Variants in ESR1 observed in about 807,000 individuals in gnomAD.
ESR1 encodes the protein estrogen receptor 1.
A neutral mutation model predicts 52.7 loss-of-function variants in ESR1; 12 were observed. The ratio of observed to expected loss-of-function variants is 0.23; its 90% CI spans 0.15 to 0.37. ESR1 has a LOEUF of 0.37. Ranked by LOEUF, ESR1 falls within the 10% of genes least tolerant of loss-of-function variation. The pLI, the probability that ESR1 is intolerant of heterozygous loss-of-function variation, is 1.00. For synonymous variants in ESR1, 305 were observed against 316.8 expected (o/e 0.96, Z 0.39); for missense variants, 584 against 779.7 (o/e 0.75, Z 2.99).
chr6:151,957,752 T>C (rs56668077), intron 4 of ESR1, among the ~76,000 whole-genome samples: 1 of 152,176 alleles, frequency 6.6e-6, no homozygotes, highest in Non-Finnish European at 1.5e-5. Flanking sequence ...CTATTTCAGA[T>C]GTGACTGTTT....
intron 2 of ESR1, among the ~76,000 whole-genome samples, chr6:151,844,176 A>G (rs1039347655): frequency 6.6e-6 from 1 of 151,690 alleles, no homozygotes; most frequent in African/African-American, 2.4e-5. Context: ...AAATATATAT[A>G]TGCACACAGG....
intron 4 of ESR1, among the ~76,000 whole-genome samples, chr6:151,945,963 G>A (rs956318109): frequency 1.3e-5 from 2 of 152,202 alleles, no homozygotes; most frequent in South Asian, 2.1e-4. Flanking sequence ...ATAGGCAAAT[G>A]TAGGTTTTCA....
intron 3 of ESR1, among the ~76,000 whole-genome samples, chr6:151,905,970 A>G (rs997169919): frequency 6.6e-6 from 1 of 152,176 alleles, no homozygotes; most frequent in Non-Finnish European, 1.5e-5. Flanking sequence ...AACGCTAAGC[A>G]TGTGGGAGTT....
intron 6 of ESR1, among the ~76,000 whole-genome samples, chr6:152,078,575 T>C (rs2048936228): frequency 6.6e-6 from 1 of 152,150 alleles, no homozygotes. Flanking sequence ...GCAGGTGATT[T>C]CTGCATTTCC....
intron 2 of ESR1, among the ~76,000 whole-genome samples, chr6:151,770,006 C>T (rs1174113095): frequency 6.3e-5 from 9 of 141,886 alleles, no homozygotes; most frequent in Middle Eastern, 3.7e-3. Flanking sequence ...CCGGCCTGGG[C>T]GACAGAGTGA....
intron 2 of ESR1, among the ~76,000 whole-genome samples, chr6:151,874,244 C>G (rs1364182711): frequency 6.6e-6 from 1 of 152,086 alleles, no homozygotes; most frequent in Non-Finnish European, 1.5e-5. Flanking sequence ...TTAATCTAAC[C>G]TTATGAAAGT....
intron 2 of ESR1, among the ~76,000 whole-genome samples, chr6:151,760,702 T>C (rs1784599904): frequency 6.6e-6 from 1 of 152,184 alleles, no homozygotes; most frequent in Non-Finnish European, 1.5e-5. Flanking sequence ...CAGCACCTGC[T>C]CTTCCCCATC....
chr6:151,843,277 T>C (rs1784586055), intron 2 of ESR1, among the ~76,000 whole-genome samples: 1 of 152,216 alleles, frequency 6.6e-6, no homozygotes, highest in Admixed American at 6.5e-5. Context: ...CATCTCTTTC[T>C]TGTCTCAATG....
chr6:151,954,965 G>C (rs1193246532), intron 4 of ESR1, among the ~76,000 whole-genome samples: 2 of 151,976 alleles, frequency 1.3e-5, no homozygotes, highest in East Asian at 1.9e-4. Context: ...GAAGTGGGAG[G>C]GTCCACTGAA....
At chr6:151,814,273 G>T (rs574820744) in intron 1 of ESR1, 1 of 152,120 alleles carries the variant, frequency 6.6e-6, no homozygotes, top group African/African-American at 2.4e-5. Flanking sequence ...TCACATTGGC[G>T]TACTTCCTCT....
intron 5 of ESR1, among the ~76,000 whole-genome samples, chr6:152,012,782 T>C (rs998019179): frequency 1.3e-5 from 2 of 152,214 alleles, no homozygotes; most frequent in African/African-American, 4.8e-5. Context: ...AACCATTTTG[T>C]TGTTTCTTGC....
At position 151,961,127 on chromosome 6, in the gene ESR1, A is replaced by G. The variant is rs144440180; in HGVS notation, c.1096+16619A>G. Among the ~76,000 whole-genome samples, 320 of 152,204 alleles carry G rather than the reference A, an allele frequency of 2.1e-3. 1 individual carries two copies. Among genetic ancestry groups the G allele is most frequent in the East Asian group, 0.011 (56 of 5,168 alleles). ...ATCTGGAGTTTAGGAGAGAGGCTGG[A>G]CTTGATATGATGTTATGGGTCCTCA... On this transcript the variant is annotated intron_variant, in intron 4 of 7. Coordinates refer to ENST00000206249, the MANE Select transcript of ESR1 (RefSeq NM_000125.4).
Position 151,812,837 on chromosome 6 carries a change from A to G in ESR1, c.452+4473A>G, listed in dbSNP as rs561190556. Among the ~76,000 whole-genome samples the G allele has an allele frequency of 2.6e-5, 4 of 152,324 alleles. No individual in the cohort carries two copies. In the East Asian group the frequency reaches 5.8e-4, roughly 22 times the overall value. The stretch of plus-strand genomic sequence containing the variant: ...AGAGAAAGATGCTCTATTAATCCAA[A>G]AAATACAGCCACTTGAAACCAGCCA... On this transcript the variant is annotated intron_variant, in intron 1 of 7. Coordinates refer to ENST00000206249, the MANE Select transcript of ESR1 (RefSeq NM_000125.4).
intron 3 of ESR1, among the ~76,000 whole-genome samples, chr6:151,903,421 A>C (rs1796974235): frequency 6.6e-6 from 1 of 152,128 alleles, no homozygotes. Context: ...AACAAGTGAC[A>C]GCTTTTGGTT....
intron 4 of ESR1, among the ~76,000 whole-genome samples, chr6:152,011,089 G>A (rs1248063722): frequency 2.0e-5 from 3 of 152,026 alleles, no homozygotes; most frequent in Non-Finnish European, 4.4e-5. Context: ...TAATCATAAT[G>A]TCACCTTTTT....
chr6:152,041,905 T>C (rs2045832723), intron 5 of ESR1, among the ~76,000 whole-genome samples: 1 of 152,220 alleles, frequency 6.6e-6, no homozygotes, highest in Non-Finnish European at 1.5e-5. Flanking sequence ...ATGTGTTAAT[T>C]TGCTCAAGTA....
chr6:151,831,096 A>T (rs1298007107), intron 1 of ESR1, among the ~76,000 whole-genome samples: 1 of 152,020 alleles, frequency 6.6e-6, no homozygotes, highest in Non-Finnish European at 1.5e-5. Context: ...CCCCTCAAAG[A>T]AGTATTGCTG....
chr6:151,817,179 A>G, intron 1 of ESR1, among the ~76,000 whole-genome samples: 1 of 152,214 alleles, frequency 6.6e-6, no homozygotes, highest in East Asian at 1.9e-4. Flanking sequence ...TTATTTCAGA[A>G]TCACCCAGAT....
chr6:152,113,569 TC>T (rs1731241703), intron 6 of ESR1, among the ~76,000 whole-genome samples: 1 of 150,846 alleles, frequency 6.6e-6, no homozygotes, highest in Admixed American at 6.6e-5. Flanking sequence ...AGGGAAGATC[TC>T]ATATTGTGTG....
Sources: allele counts gnomAD v4.1 joint callset (sites outside exome capture counted in the v4.1 genomes callset), GRCh38; gene constraint gnomAD v4.1.1; transcripts MANE v1.5; gene names NCBI Gene and HGNC (gene_info 2026-07-23, HGNC 2026-07-21).